ZNF334: variants seen among roughly 807,000 people sequenced by gnomAD.
ZNF334 encodes the protein zinc finger protein 334.
ZNF334 carries 14 observed loss-of-function variants against 12.4 expected under a neutral mutation model. That is an observed-to-expected ratio of 1.13 (90% CI 0.74 to 1.76). ZNF334 has a LOEUF of 1.76. Among genes scored for constraint, ZNF334 ranks in the 40% most tolerant of loss-of-function variants. ZNF334 has a pLI of 0.00. For missense variants in ZNF334, 797 were observed against 804.5 expected (o/e 0.99, Z 0.11); for synonymous variants, 273 against 269.6 (o/e 1.01, Z -0.12).
chr20:46,488,906 T>G, the ZNF334 span, among the ~76,000 whole-genome samples: 1 of 151,908 alleles, frequency 6.6e-6, no homozygotes, highest in Admixed American at 6.6e-5. Context: ...CTCTGTGCCA[T>G]GTACATAACG....
the ZNF334 span, among the ~76,000 whole-genome samples, chr20:46,479,774 T>A: frequency 5.3e-5 from 8 of 152,132 alleles, no homozygotes; most frequent in Non-Finnish European, 8.8e-5. Flanking sequence ...AAGACACATT[T>A]ACCATCTATT....
At chr20:46,463,761 G>T in the ZNF334 span, 1 of 251,484 alleles carries the variant, frequency 4.0e-6, no homozygotes, top group Admixed American at 4.1e-5. Flanking sequence ...ACAGGCCCTA[G>T]GTAAAAATTA....
the ZNF334 span, among the ~76,000 whole-genome samples, chr20:46,493,923 G>A: frequency 1.3e-5 from 2 of 152,210 alleles, no homozygotes; most frequent in East Asian, 3.9e-4. Context: ...GAGCGAGACT[G>A]TCTCAAAGCC....
chr20:46,504,643 A>C lies in ZNF334; in HGVS notation c.119T>G (p.Leu40Arg), dbSNP rs767792691. 2.5e-6 allele frequency: 4 copies of C among 1,606,396 alleles called. No individual in the cohort carries two copies. The South Asian group carries it at 4.5e-5, about 18-fold the overall frequency. ...AQRLLYRDVM[L>R]ENYSNLVSVG... ...AGAGACCAAGTTGCTGTAGTTCTCC[A>C]GCATCACATCCCTGTACAGGAGCCT... The change falls in exon 3 of 5, where the codon CTG (leucine) becomes CGG (arginine). Residue 40 changes from leucine (L) to arginine (R), a missense_variant. Leu to Arg is a moderately radical substitution (Grantham distance 102, BLOSUM62 -2). Transcript: ENST00000692313.
chr20:46,511,695 T>C (rs536078681), intron 2 of ZNF334, among the ~76,000 whole-genome samples: 1 of 152,366 alleles, frequency 6.6e-6, no homozygotes, highest in East Asian at 1.9e-4. Flanking sequence ...CGGATGACAC[T>C]GGATTGGTTC....
chr20:46,485,370 A>T, the ZNF334 span, among the ~76,000 whole-genome samples: 1 of 152,184 alleles, frequency 6.6e-6, no homozygotes, highest in East Asian at 1.9e-4. Flanking sequence ...TGAATAGGTC[A>T]AAAAACTTGT....
Position 46,502,880 on chromosome 20 carries a change from C to A in ZNF334, c.459G>T (p.Lys153Asn). 6.2e-7 allele frequency: 1 copy of A among 1,613,492 alleles called. No homozygotes were observed. Among genetic ancestry groups the A allele is most frequent in the Non-Finnish European group, 8.5e-7 (1 of 1,179,814 alleles). Residue 153 changes from lysine (K) to asparagine (N), a missense_variant, in exon 5 of 5, where the codon AAG becomes AAT. Transcript: ENST00000692313. Reference protein sequence around the residue: ...LKTNSEVIVAKKSKENRKIPD... With the variant: ...LKTNSEVIVANKSKENRKIPD... ...GAATCTTTCTGTTTTCTTTGCTTTT[C>A]TTTGCAACAATTACTTCTGAATTAG...
Position 46,501,714 on chromosome 20 carries a change from C to T in ZNF334, c.1625G>A (p.Arg542Lys). 1 of 1,613,844 alleles carries T rather than the reference C, an allele frequency of 6.2e-7. No homozygotes were observed. Among genetic ancestry groups the T allele is most frequent in the South Asian group, 1.1e-5 (1 of 91,058 alleles). The change falls in exon 5 of 5, where the codon AGA (arginine) becomes AAA (lysine). Residue 542 changes from arginine (R) to lysine (K), a missense_variant. Transcript: ENST00000692313. ...LIVHQRTIWE[R>K]PYECNECGRT... ...CCCACATTCATTGCATTCATATGGT[C>T]TCTCCCATATAGTTCTCTGATGTAC...
At chr20:46,488,283 A>T in the ZNF334 span, among the ~76,000 whole-genome samples, 1 of 144,656 alleles carries the variant, frequency 6.9e-6, no homozygotes, top group Admixed American at 6.9e-5. Flanking sequence ...TTATTGGCTT[A>T]TTAGCTGTAA....
chr20:46,503,753 T>C (rs991798101), intron 4 of ZNF334, among the ~76,000 whole-genome samples: 1 of 152,178 alleles, frequency 6.6e-6, no homozygotes, highest in African/African-American at 2.4e-5. Flanking sequence ...CCAGGCACCT[T>C]GTTTGCCTCA....
At chr20:46,476,545 T>C in the ZNF334 span, among the ~76,000 whole-genome samples, 3 of 152,334 alleles carry the variant, frequency 2.0e-5, no homozygotes, top group South Asian at 6.2e-4. Context: ...TATTTTTTCT[T>C]GCAACTGCAT....
the ZNF334 span, among the ~76,000 whole-genome samples, chr20:46,471,099 A>C: frequency 1.3e-5 from 2 of 152,220 alleles, no homozygotes; most frequent in East Asian, 3.8e-4. Context: ...CAGTTGTTCC[A>C]CATTCTTGCC....
chr20:46,469,588 G>T, the ZNF334 span, among the ~76,000 whole-genome samples: 2 of 151,918 alleles, frequency 1.3e-5, no homozygotes, highest in African/African-American at 4.8e-5. Flanking sequence ...TAGCCAGGAT[G>T]GTCTCGATCT....
At chr20:46,466,949 A>G in the ZNF334 span, among the ~76,000 whole-genome samples, 1 of 152,254 alleles carries the variant, frequency 6.6e-6, no homozygotes, top group African/African-American at 2.4e-5. Flanking sequence ...GCCACTCCAC[A>G]CCAAGATTTA....
intron 2 of ZNF334, among the ~76,000 whole-genome samples, chr20:46,511,229 TA>T (rs11288508): frequency 0.23 from 30,674 of 131,968 alleles, 3,327 homozygotes; most frequent in African/African-American, 0.28. Flanking sequence ...TCATCTCAAT[TA>T]AAAAAAAAAA....
At chr20:46,498,333 G>A (rs2061058969), downstream of ZNF334, among the ~76,000 whole-genome samples, 1 of 152,212 alleles carries the variant, frequency 6.6e-6, no homozygotes, top group Admixed American at 6.5e-5. Context: ...GGAAACTGTG[G>A]CTTTGGATCA....
At chr20:46,512,048 T>C (rs957502825) in intron 2 of ZNF334, 34 bp downstream of exon 2, 12 of 1,609,024 alleles carry the variant, frequency 7.5e-6, no homozygotes, top group African/African-American at 6.7e-5. Flanking sequence ...AAATTCACTG[T>C]ATAATGTGAG....
the ZNF334 span, among the ~76,000 whole-genome samples, chr20:46,493,792 T>A: frequency 1.3e-4 from 20 of 152,274 alleles, no homozygotes; most frequent in Non-Finnish European, 2.6e-4. Context: ...TAGCATGGTA[T>A]GGTGGCGTGC....
the ZNF334 span, chr20:46,464,883 C>T: frequency 1.9e-6 from 1 of 531,784 alleles, no homozygotes; most frequent in East Asian, 5.1e-5. Context: ...AGCGGTCCAA[C>T]TATGAATGAG....
Sources: gnomAD v4.1 joint callset for allele counts (sites outside exome capture counted in the v4.1 genomes callset) on GRCh38, gnomAD v4.1.1 for gene constraint, MANE v1.5 for transcripts, NCBI Gene and HGNC (gene_info 2026-07-23, HGNC 2026-07-21) for gene names.